Variants in GLIS3 observed in about 807,000 individuals in gnomAD.
GLIS3 encodes the protein zinc finger protein GLIS3.
GLIS3 carries 53 observed loss-of-function variants against 78.6 expected under a neutral mutation model. That is an observed-to-expected ratio of 0.67 (90% CI 0.54 to 0.85). The LOEUF is 0.85. Ranked by LOEUF, GLIS3 falls within the 40% of genes least tolerant of loss-of-function variation. The probability of loss-of-function intolerance (pLI) is 0.00; values close to 1 mark genes in which losing one functional copy is unlikely to be tolerated. For missense variants in GLIS3, 1,703 were observed against 1,231.1 expected (o/e 1.38, Z -5.74); for synonymous variants, 684 against 509.9 (o/e 1.34, Z -4.60).
chr9:4,019,249 T>C (rs1019957194), intron 4 of GLIS3, among the ~76,000 whole-genome samples: 2 of 152,184 alleles, frequency 1.3e-5, no homozygotes, highest in African/African-American at 4.8e-5. Flanking sequence ...TGTGACTCCT[T>C]TGTCCCTCAC....
At chr9:4,186,344 CT>C (rs1817793762) in intron 2 of GLIS3, among the ~76,000 whole-genome samples, 2 of 151,968 alleles carry the variant, frequency 1.3e-5, no homozygotes, top group Non-Finnish European at 2.9e-5. Context: ...TTTTTTATGG[CT>C]GCATAGTATT....
intron 4 of GLIS3, among the ~76,000 whole-genome samples, chr9:4,057,171 A>G (rs1367356399): frequency 6.6e-6 from 1 of 152,150 alleles, no homozygotes; most frequent in African/African-American, 2.4e-5. Flanking sequence ...TACTAATTCC[A>G]GGGCTGGCTT....
chr9:4,094,512 T>C (rs1456961714), intron 4 of GLIS3, among the ~76,000 whole-genome samples: 1 of 152,184 alleles, frequency 6.6e-6, no homozygotes, highest in Non-Finnish European at 1.5e-5. Context: ...TTTAGATTAG[T>C]AACATTTTAC....
Position 4,171,837 on chromosome 9 carries a change from C to G in GLIS3, c.389-45896G>C, listed in dbSNP as rs143332620. On this transcript the variant is annotated intron_variant, in intron 2 of 10. Transcript: ENST00000381971. ...AACAAATACTCAAACGTCAAATTGG[C>G]TGATGATTAAACGACTGAAGAGGAC... Among the ~76,000 whole-genome samples the G allele has an allele frequency of 7.9e-3, 1,208 of 152,200 alleles. 10 individuals are homozygous for G. Among genetic ancestry groups the G allele is most frequent in the African/African-American group, 0.027 (1,106 of 41,516 alleles).
At chr9:4,051,259 T>A (rs1825727825) in intron 4 of GLIS3, among the ~76,000 whole-genome samples, 1 of 152,202 alleles carries the variant, frequency 6.6e-6, no homozygotes, top group African/African-American at 2.4e-5. Context: ...TTATTTCGAA[T>A]GTGGAATGTG....
At chr9:4,073,322 G>A (rs563504494) in intron 4 of GLIS3, among the ~76,000 whole-genome samples, 1 of 152,140 alleles carries the variant, frequency 6.6e-6, no homozygotes, top group South Asian at 2.1e-4. Flanking sequence ...CAAATCACCT[G>A]GGGATTTGCT....
intron 4 of GLIS3, among the ~76,000 whole-genome samples, chr9:4,308,476 G>A (rs1030695099): frequency 6.6e-6 from 1 of 151,830 alleles, no homozygotes; most frequent in African/African-American, 2.4e-5. Context: ...TGAAGAGAAA[G>A]GACCTTGTTC....
At chr9:4,327,668 C>T (rs549065658) in intron 2 of GLIS3, among the ~76,000 whole-genome samples, 5 of 152,312 alleles carry the variant, frequency 3.3e-5, no homozygotes, top group African/African-American at 1.2e-4. Context: ...TCAGTGCCAC[C>T]ACATCACACA....
At chr9:4,303,728 C>T (rs968961067), upstream of GLIS3, among the ~76,000 whole-genome samples, 1 of 152,160 alleles carries the variant, frequency 6.6e-6, no homozygotes, top group Admixed American at 6.5e-5. Flanking sequence ...TGAAATGTTT[C>T]TTCCTTTTTT....
At chr9:4,448,192 G>A in the GLIS3 span, among the ~76,000 whole-genome samples, 4 of 152,192 alleles carry the variant, frequency 2.6e-5, no homozygotes, top group Admixed American at 6.5e-5. Flanking sequence ...CTCCTTAGCT[G>A]CAGATATAAT....
At chr9:4,012,306 A>G (rs1822077561) in intron 4 of GLIS3, among the ~76,000 whole-genome samples, 1 of 152,196 alleles carries the variant, frequency 6.6e-6, no homozygotes, top group Non-Finnish European at 1.5e-5. Flanking sequence ...ATGAATTTCT[A>G]TTAGGTATTG....
the GLIS3 span, among the ~76,000 whole-genome samples, chr9:4,402,433 G>T: frequency 6.6e-6 from 1 of 152,126 alleles, no homozygotes; most frequent in Non-Finnish European, 1.5e-5. Context: ...ACATCTACAA[G>T]CATCAACACC....
intron 2 of GLIS3, among the ~76,000 whole-genome samples, chr9:4,243,436 G>A (rs1246713126): frequency 6.6e-6 from 1 of 151,850 alleles, no homozygotes; most frequent in Non-Finnish European, 1.5e-5. Flanking sequence ...TACTAACACA[G>A]GTATACACAT....
At position 3,977,891 on chromosome 9, in the gene GLIS3, G is replaced by A. The variant is rs942882776; in HGVS notation, c.1711-40702C>T. ...AGGAGGTCTAATTTCACACCACGCAGCAATGAAATGCTGCTAACTTTTATT... is the reference window on the plus strand; with the variant it reads ...AGGAGGTCTAATTTCACACCACGCAACAATGAAATGCTGCTAACTTTTATT... On this transcript the variant is annotated intron_variant, in intron 4 of 10. Coordinates refer to ENST00000381971, the MANE Select transcript of GLIS3 (RefSeq NM_001042413.2). The surrounding 1 kb of genome is among the most constrained non-coding windows in gnomAD (Gnocchi z 4.1). Among the ~76,000 whole-genome samples, 4 of 152,196 alleles carry A rather than the reference G, an allele frequency of 2.6e-5. No homozygotes were observed. Among genetic ancestry groups the A allele is most frequent in the Admixed American group, 1.3e-4 (2 of 15,278 alleles).
chr9:3,909,169 T>A (rs1823960875), intron 6 of GLIS3, among the ~76,000 whole-genome samples: 1 of 152,258 alleles, frequency 6.6e-6, no homozygotes. Context: ...TACTAGAACA[T>A]TCTCATCAAG....
chr9:3,934,699 G>T (rs113647544), intron 5 of GLIS3, among the ~76,000 whole-genome samples: 1 of 152,136 alleles, frequency 6.6e-6, no homozygotes, highest in Non-Finnish European at 1.5e-5. Context: ...GTGAGCCACC[G>T]TGCCCAGCCT....
chr9:3,935,963 T>A (rs532724893), intron 5 of GLIS3, among the ~76,000 whole-genome samples: 8 of 152,208 alleles, frequency 5.3e-5, no homozygotes, highest in Admixed American at 1.3e-4. Flanking sequence ...ATGACTTCTA[T>A]GAATATGACT....
intron 2 of GLIS3, among the ~76,000 whole-genome samples, chr9:4,211,184 A>C (rs1193182167): frequency 6.6e-6 from 1 of 152,244 alleles, no homozygotes; most frequent in African/African-American, 2.4e-5. Context: ...GGACTATTCC[A>C]GATTGTGCCG....
intron 9 of GLIS3, among the ~76,000 whole-genome samples, chr9:3,851,119 T>G (rs993013041): frequency 5.3e-5 from 8 of 152,096 alleles, no homozygotes. Flanking sequence ...GTTGTGAAAA[T>G]GCTGTTGTAG....
Sources: allele counts gnomAD v4.1 joint callset (sites outside exome capture counted in the v4.1 genomes callset), GRCh38; gene constraint gnomAD v4.1.1; non-coding constraint Gnocchi (gnomAD v3.1); transcripts MANE v1.5; gene names NCBI Gene and HGNC (gene_info 2026-07-23, HGNC 2026-07-21).